The following AGGF1 variants were observed in gnomAD, a reference collection of about 807,000 sequenced individuals.
The protein encoded by AGGF1 is angiogenic factor with G patch and FHA domains 1.
AGGF1 carries 56 observed loss-of-function variants against 86.5 expected under a neutral mutation model. That is an observed-to-expected ratio of 0.65 (90% CI 0.52 to 0.81). AGGF1 has a LOEUF of 0.81. Ranked by LOEUF, AGGF1 falls within the 30% of genes least tolerant of loss-of-function variation. The pLI is 0.00. For synonymous variants in AGGF1, 313 were observed against 297.1 expected (o/e 1.05, Z -0.55); for missense variants, 816 against 850.9 (o/e 0.96, Z 0.51).
intron 10 of AGGF1, among the ~76,000 whole-genome samples, chr5:77,055,009 A>G (rs1747435875): frequency 6.6e-6 from 1 of 152,180 alleles, no homozygotes; most frequent in African/African-American, 2.4e-5. Context: ...AAATTTAAAT[A>G]GATGCTTTGA....
At chr5:77,060,790 A>G (rs965797677) in intron 12 of AGGF1, among the ~76,000 whole-genome samples, 13 of 152,204 alleles carry the variant, frequency 8.5e-5, no homozygotes, top group African/African-American at 2.9e-4. Flanking sequence ...TTGATGAAAT[A>G]TAGGATTACA....
rs1297866450 is a variant in AGGF1 at position 77,030,972 on chromosome 5, C to T, written c.206C>T (p.Thr69Met). 2 of 1,611,804 alleles carry T rather than the reference C, an allele frequency of 1.2e-6. No individual in the cohort carries two copies. The highest frequency in any genetic ancestry group is 2.2e-5 in the East Asian group (1 of 44,878). Reference sequence around the variant, plus strand: ...GAAAGCAACAACCAGGAGCTCCGCACGCAGGTGCGCGGTCCTCCTCAGCCC... The same window carrying T: ...GAAAGCAACAACCAGGAGCTCCGCATGCAGGTGCGCGGTCCTCCTCAGCCC... The part of the protein sequence containing the change: ...NAESNNQELR[T>M]QVEELSKILQ... Residue 69 changes from threonine (T) to methionine (M), a missense_variant, in exon 1 of 14, where the codon ACG (threonine) becomes ATG (methionine). Physicochemically the swap from Thr to Met is moderately conservative, Grantham distance 81 (BLOSUM62 -1). Around this residue, in one of 3 missense-constraint regions of AGGF1, gnomAD observed 240 missense variants for 234.4 expected, o/e 1.02. Coordinates refer to ENST00000312916, the MANE Select transcript of AGGF1 (RefSeq NM_018046.5).
chr5:77,050,928 A>G (rs1308122927), intron 8 of AGGF1, among the ~76,000 whole-genome samples: 2 of 152,230 alleles, frequency 1.3e-5, no homozygotes, highest in African/African-American at 2.4e-5. Flanking sequence ...CTTTCTAGTA[A>G]TCTAAGAAAT....
At chr5:77,060,016 GT>G (rs1481265493) in intron 12 of AGGF1, among the ~76,000 whole-genome samples, 2 of 152,212 alleles carry the variant, frequency 1.3e-5, no homozygotes, top group South Asian at 4.1e-4. Context: ...TAATTTTTGT[GT>G]TTTTAGTAGA....
At chr5:77,036,810 T>C in intron 4 of AGGF1, 90 bp downstream of exon 4, 1 of 1,399,562 alleles carries the variant, frequency 7.1e-7, no homozygotes, top group Non-Finnish European at 1.0e-6. Context: ...TGATCTCAGC[T>C]CACTGCAACT....
rs1028795831 is a variant in AGGF1 at position 77,045,008 on chromosome 5, C to T, written c.871-1339C>T. ...TGAACCTGGGAGGTGGAGGTTGGAG[C>T]GAGCCGAGATCGCGCCACTGCACTC... On this transcript the variant is annotated intron_variant, in intron 5 of 13. Coordinates refer to ENST00000312916, the MANE Select transcript of AGGF1 (RefSeq NM_018046.5). 6.7e-4 allele frequency among the ~76,000 whole-genome samples: 100 copies of T among 149,764 alleles called. 1 individual carries two copies. The highest frequency in any genetic ancestry group is 1.3e-3 in the Non-Finnish European group (88 of 67,596).
intron 1 of AGGF1, among the ~76,000 whole-genome samples, chr5:77,033,148 C>T (rs551741603): frequency 6.6e-6 from 1 of 152,252 alleles, no homozygotes; most frequent in South Asian, 2.1e-4. Flanking sequence ...AGTCAGCCTC[C>T]CTTGGTTGGG....
At chr5:77,031,139 G>A (rs1316187083) in intron 1 of AGGF1, among the ~76,000 whole-genome samples, 163 bp downstream of exon 1, 2 of 152,226 alleles carry the variant, frequency 1.3e-5, no homozygotes, top group South Asian at 2.1e-4. Flanking sequence ...AGTACCTTAG[G>A]AGCAAACCTG....
At chr5:77,038,518 G>A (rs1186503240) in intron 4 of AGGF1, among the ~76,000 whole-genome samples, 1 of 151,964 alleles carries the variant, frequency 6.6e-6, no homozygotes, top group Non-Finnish European at 1.5e-5. Context: ...AGATTTAAAA[G>A]GTTTGAATTA....
At chr5:77,046,714 T>A (rs371484945) in intron 6 of AGGF1, 37 bp downstream of exon 6, 1 of 1,580,586 alleles carries the variant, frequency 6.3e-7, no homozygotes. Context: ...AATAGCCCAG[T>A]CTGGTAACTA....
chr5:77,031,713 G>T (rs1746856537), intron 1 of AGGF1, among the ~76,000 whole-genome samples: 1 of 152,064 alleles, frequency 6.6e-6, no homozygotes, highest in African/African-American at 2.4e-5. Context: ...CCAGCATGGT[G>T]AAATACAAAA....
intron 4 of AGGF1, 28 bp from the exon 5 acceptor site, chr5:77,039,503 G>T (rs1227913788): frequency 6.4e-7 from 1 of 1,556,984 alleles, no homozygotes; most frequent in Non-Finnish European, 8.8e-7. Context: ...TACATGAATA[G>T]AATTTATTTT....
intron 10 of AGGF1, 146 bp downstream of exon 10, chr5:77,054,276 G>T (rs1747424891): frequency 1.1e-5 from 11 of 962,714 alleles, no homozygotes; most frequent in Non-Finnish European, 1.8e-5. Flanking sequence ...TATCAGTCTT[G>T]TATCCAGTTG....
At position 77,059,722 on chromosome 5, in the gene AGGF1, A is replaced by G; in HGVS notation, c.1823A>G (p.Asp608Gly). The change falls in exon 12 of 14, where the codon GAT becomes GGT. Residue 608 changes from aspartate (D) to glycine (G), a missense_variant. Around this residue, in one of 3 missense-constraint regions of AGGF1, gnomAD observed 565 missense variants for 585.8 expected, o/e 0.96. Coordinates refer to ENST00000312916, the MANE Select transcript of AGGF1 (RefSeq NM_018046.5). ...AGTGAAGGAACTTTCCAAAGAGATG[A>G]TGCTCCTGCATCTGTTCATTCGTAA... is the stretch of plus-strand genomic sequence containing the variant. ...VGSEGTFQRD[D>G]APASVHSEIT... The G allele has an allele frequency of 6.2e-7, 1 of 1,613,856 alleles. No individual in the cohort carries two copies. Among genetic ancestry groups the G allele is most frequent in the Non-Finnish European group, 8.5e-7 (1 of 1,179,806 alleles).
intron 11 of AGGF1, among the ~76,000 whole-genome samples, chr5:77,056,430 G>C (rs778396356): frequency 6.6e-6 from 1 of 151,738 alleles, no homozygotes; most frequent in Admixed American, 6.6e-5. Context: ...GGTTCACAGC[G>C]TTGGCCAGGC....
At chr5:77,045,570 T>A (rs535756668) in intron 5 of AGGF1, among the ~76,000 whole-genome samples, 2 of 152,346 alleles carry the variant, frequency 1.3e-5, no homozygotes, top group African/African-American at 4.8e-5. Context: ...TAATTTGTAC[T>A]TTAAACTTTT....
intron 2 of AGGF1, 123 bp from the exon 3 acceptor site, chr5:77,035,418 T>A: frequency 1.3e-6 from 1 of 756,948 alleles, no homozygotes; most frequent in Non-Finnish European, 2.2e-6. Flanking sequence ...TGTACAGTTG[T>A]AAAAATCATG....
Position 77,030,780 on chromosome 5 carries a change from C to A in AGGF1, c.14C>A (p.Ala5Glu), listed in dbSNP as rs749892160. Residue 5 changes from alanine to glutamate, a missense_variant, in exon 1 of 14, where the codon GCG becomes GAG. Transcript: ENST00000312916. Reference sequence around the variant, plus strand: ...GCGCCGGAGCTCATGGCCTCGGAGGCGCCGTCCCCGCCGCGGTCGCCGCCG... The same window carrying A: ...GCGCCGGAGCTCATGGCCTCGGAGGAGCCGTCCCCGCCGCGGTCGCCGCCG... MASE[A>E]PSPPRSPPPP... 54 of 1,578,612 alleles carry A rather than the reference C, an allele frequency of 3.4e-5. No individual in the cohort carries two copies. The South Asian group carries it at 5.9e-4, about 17-fold the overall frequency.
At chr5:77,039,248 G>A (rs1271542098) in intron 4 of AGGF1, among the ~76,000 whole-genome samples, 1 of 151,936 alleles carries the variant, frequency 6.6e-6, no homozygotes, top group Non-Finnish European at 1.5e-5. Flanking sequence ...TGAAATTGCT[G>A]TTTCTTATAA....
Sources: allele counts gnomAD v4.1 joint callset (sites outside exome capture counted in the v4.1 genomes callset), GRCh38; gene constraint gnomAD v4.1.1; regional missense constraint gnomAD v4.1.1; transcripts MANE v1.5; gene names NCBI Gene and HGNC (gene_info 2026-07-23, HGNC 2026-07-21).